LRP6: variants seen among roughly 807,000 people sequenced by gnomAD.
The protein encoded by LRP6 is LDL receptor related protein 6.
In LRP6, 43 loss-of-function variants were observed where a neutral mutation model predicts 184.1. That is an observed-to-expected ratio of 0.23 (90% CI 0.18 to 0.30). The LOEUF is 0.30. Ranked by LOEUF, LRP6 falls within the 10% of genes least tolerant of loss-of-function variation. LRP6 has a pLI of 1.00. For synonymous variants in LRP6, 719 were observed against 684.9 expected, an observed-to-expected ratio of 1.05 and a Z score of -0.78; for missense variants, 1,571 against 2,005.3, an observed-to-expected ratio of 0.78 and a Z score of 4.14.
intron 2 of LRP6, among the ~76,000 whole-genome samples, chr12:12,230,368 G>A (rs1472146149): frequency 6.6e-6 from 1 of 152,072 alleles, no homozygotes; most frequent in African/African-American, 2.4e-5. Flanking sequence ...AATTTGGTAA[G>A]TATACTCAAT....
chr12:12,249,028 C>A, intron 1 of LRP6: 5 of 649,934 alleles, frequency 7.7e-6, no homozygotes, highest in South Asian at 4.9e-5. Context: ...AAGTCCCTTG[C>A]AATTTCCCAC....
In LRP6 at chr12:12,266,775, G is replaced by T. The variant is rs1368879289; in HGVS notation, c.-40C>A. 8.3e-6 allele frequency: 13 copies of T among 1,569,044 alleles called. No homozygotes were observed. The highest frequency in any genetic ancestry group is 1.1e-5 in the Non-Finnish European group (13 of 1,147,380). On this transcript the variant is annotated 5_prime_UTR_variant, in exon 1 of 23. Coordinates refer to ENST00000261349, the MANE Select transcript of LRP6 (RefSeq NM_002336.3). ...TTCTCTTCTCTCACCGGCGAGGGGT[G>T]GCCAGAAGTGGGGGAGGCGAGGAGC... is the stretch of plus-strand genomic sequence containing the variant.
chr12:12,245,683 C>T (rs1338906129), intron 1 of LRP6, among the ~76,000 whole-genome samples: 2 of 151,962 alleles, frequency 1.3e-5, no homozygotes, highest in African/African-American at 2.4e-5. Flanking sequence ...TGAAAAGACC[C>T]GAAACTAAAT....
intron 2 of LRP6, among the ~76,000 whole-genome samples, chr12:12,204,542 C>T (rs1864001281): frequency 6.6e-6 from 1 of 151,120 alleles, no homozygotes; most frequent in Non-Finnish European, 1.5e-5. Flanking sequence ...TGCTTCTATT[C>T]CACAAGTTTG....
intron 1 of LRP6, among the ~76,000 whole-genome samples, chr12:12,248,772 G>A (rs1004101796): frequency 2.6e-5 from 4 of 152,034 alleles, no homozygotes; most frequent in Admixed American, 6.6e-5. Flanking sequence ...GAGCCACTGC[G>A]CCCAGCCTCT....
chr12:12,138,355 C>A lies in LRP6; in HGVS notation c.3577G>T (p.Ala1193Ser). The change falls in exon 16 of 23, where the codon GCA becomes TCA. Residue 1193 changes from alanine to serine, a missense_variant. By Grantham distance (99) the Ala-to-Ser change is moderately conservative. Coordinates refer to ENST00000261349, the MANE Select transcript of LRP6 (RefSeq NM_002336.3). ...ARIAQLSDIH[A>S]VKELNLQEYR... ...TCTTGAAGGTTCAGCTCCTTTACTG[C>A]ATGAATGTCACTAAGCTGGGCAATT... The A allele has an allele frequency of 6.2e-7, 1 of 1,614,176 alleles. No individual in the cohort carries two copies. The highest frequency in any genetic ancestry group is 8.5e-7 in the Non-Finnish European group (1 of 1,180,018).
rs1421164704 is a variant in LRP6 at position 12,125,423 on chromosome 12, C to T, written c.4322G>A (p.Arg1441Gln). The change falls in exon 21 of 23, where the codon CGA becomes CAA. Residue 1441 changes from arginine (R) to glutamine (Q), a missense_variant. Physicochemically the swap from Arg to Gln is conservative, Grantham distance 43 (BLOSUM62 1). Transcript: ENST00000261349. The stretch of plus-strand genomic sequence containing the variant: ...GAGGGAGCTGATCATTGATTTACCT[C>T]GAGACATTCCTAAAATAAAAGGAGG... Reference protein sequence around the residue: ...SLSGSLPGMSRGKSMISSLSI... With the variant: ...SLSGSLPGMSQGKSMISSLSI... 1 of 1,613,732 alleles carries T rather than the reference C, an allele frequency of 6.2e-7. No individual in the cohort carries two copies. Among genetic ancestry groups the T allele is most frequent in the Non-Finnish European group, 8.5e-7 (1 of 1,179,890 alleles).
At chr12:12,141,287 G>T (rs1194367953) in intron 15 of LRP6, among the ~76,000 whole-genome samples, 1 of 151,844 alleles carries the variant, frequency 6.6e-6, no homozygotes, top group Non-Finnish European at 1.5e-5. Context: ...TGAGGGGAAA[G>T]AACATGTTAA....
intron 17 of LRP6, 73 bp downstream of exon 17, chr12:12,135,102 C>A: frequency 1.2e-6 from 2 of 1,608,106 alleles, no homozygotes; most frequent in South Asian, 2.2e-5. Context: ...AATGCCTAGT[C>A]ATAGAAGTCT....
At chr12:12,150,577 A>ACG (rs1273677588) in intron 13 of LRP6, among the ~76,000 whole-genome samples, 1 of 152,176 alleles carries the variant, frequency 6.6e-6, no homozygotes, top group East Asian at 1.9e-4. Flanking sequence ...TCATAAAGAA[A>ACG]CGTAGGGGGC....
chr12:12,197,431 G>T (rs550832501), intron 3 of LRP6, among the ~76,000 whole-genome samples: 1 of 152,172 alleles, frequency 6.6e-6, no homozygotes, highest in Non-Finnish European at 1.5e-5. Context: ...ATGTTCAATT[G>T]CTACTCAATT....
intron 1 of LRP6, among the ~76,000 whole-genome samples, chr12:12,246,433 C>A (rs1430339895): frequency 6.6e-6 from 1 of 151,948 alleles, no homozygotes; most frequent in Non-Finnish European, 1.5e-5. Flanking sequence ...TAAGACCAAG[C>A]CAGGCACGGT....
rs1213087844 is a variant in LRP6 at position 12,229,385 on chromosome 12, AAAGAAGAAG to A, written c.449+14868_449+14876del. ...AACTCCATTTCAAAAAAAAAAAAAA[AAAGAAGAAG>A]AAGAAGAATATCTCACACTGAGACT... is the stretch of plus-strand genomic sequence containing the variant. On this transcript the variant is annotated intron_variant, in intron 2 of 22. Coordinates refer to ENST00000261349, the MANE Select transcript of LRP6 (RefSeq NM_002336.3). Among the ~76,000 whole-genome samples the A allele has an allele frequency of 2.7e-3, 275 of 101,656 alleles. 9 individuals carry two copies. The highest frequency in any genetic ancestry group is 6.4e-3 in the South Asian group (21 of 3,274). 66.7% of individuals were successfully genotyped at this position (101,656 alleles called of 152,430 possible).
At position 12,121,178 on chromosome 12, in the gene LRP6, T is replaced by C. The variant is rs768783863; in HGVS notation, c.4790A>G (p.Tyr1597Cys). ...CPPSPYTERSYSHHLYPPPPS... is the reference protein window; with the variant it reads ...CPPSPYTERSCSHHLYPPPPS... ...TGGCGGTGGGTAGAGGTGATGAGAATAGCTCCTCTCTGTGTATGGAGAAGG... is the reference window on the plus strand; with the variant it reads ...TGGCGGTGGGTAGAGGTGATGAGAACAGCTCCTCTCTGTGTATGGAGAAGG... The change falls in exon 23 of 23, where the codon TAT becomes TGT. Residue 1597 changes from tyrosine to cysteine, a missense_variant. This residue lies in a region of LRP6 where 763 missense variants were observed against 859.5 expected (regional missense o/e 0.89). Transcript: ENST00000261349. The C allele has an allele frequency of 1.9e-6, 3 of 1,613,932 alleles. No homozygotes were observed. The highest frequency in any genetic ancestry group is 1.1e-5 in the South Asian group (1 of 91,046).
intron 11 of LRP6, 26 bp downstream of exon 11, chr12:12,159,753 GT>G (rs1249941476): frequency 6.2e-7 from 1 of 1,603,046 alleles, no homozygotes; most frequent in Non-Finnish European, 8.5e-7. Context: ...AGAATATACT[GT>G]TTGAGTAAAA....
intron 15 of LRP6, among the ~76,000 whole-genome samples, chr12:12,145,595 C>G (rs1411283147): frequency 2.4e-5 from 3 of 123,644 alleles, no homozygotes; most frequent in African/African-American, 9.1e-5. Context: ...GATCTGAGAT[C>G]TGAGATCCCA....
In LRP6 at chr12:12,149,150, A is replaced by G; in HGVS notation, c.2998T>C (p.Phe1000Leu). Residue 1000 changes from phenylalanine to leucine, a missense_variant, in exon 14 of 23, where the codon TTT (phenylalanine) becomes CTT (leucine). Transcript: ENST00000261349. The part of the protein sequence containing the change: ...RKAQEDGSQG[F>L]TVVVSSVPSQ... ...GGAACTGAGCTCACAACCACAGTAA[A>G]GCCCTAGGGAAAAAAAGAAATACAG... The G allele has an allele frequency of 1.2e-6, 2 of 1,613,520 alleles. No homozygotes were observed. The highest frequency in any genetic ancestry group is 1.7e-6 in the Non-Finnish European group (2 of 1,179,572).
chr12:12,176,679 G>A (rs1484141445), intron 7 of LRP6, among the ~76,000 whole-genome samples: 4 of 152,036 alleles, frequency 2.6e-5, no homozygotes, highest in Middle Eastern at 3.2e-3. Flanking sequence ...TCCACTAAGC[G>A]AGCAGGTAGC....
At chr12:12,181,009 C>G (rs768476259) in intron 6 of LRP6, 34 bp downstream of exon 6, 1 of 1,613,110 alleles carries the variant, frequency 6.2e-7, no homozygotes. Flanking sequence ...AACAGAAACA[C>G]CACACAGAAT....
Sources: allele counts gnomAD v4.1 joint callset (sites outside exome capture counted in the v4.1 genomes callset), GRCh38; gene constraint gnomAD v4.1.1; regional missense constraint gnomAD v4.1.1; transcripts MANE v1.5; gene names NCBI Gene and HGNC (gene_info 2026-07-23, HGNC 2026-07-21).